The following MMUT variants were observed in gnomAD, a reference collection of about 807,000 sequenced individuals.
The protein encoded by MMUT is methylmalonyl-CoA mutase.
A neutral mutation model predicts 79.9 loss-of-function variants in MMUT; 79 were observed. The ratio of observed to expected loss-of-function variants is 0.99; its 90% CI spans 0.82 to 1.19. MMUT has a LOEUF of 1.19. Ranked by LOEUF, MMUT falls within the 50% of genes most tolerant of loss-of-function variation. The pLI, the probability that MMUT is intolerant of heterozygous loss-of-function variation, is 0.00. For missense variants in MMUT, 860 were observed against 917.2 expected (o/e 0.94, Z 0.81); for synonymous variants, 273 against 295.7 (o/e 0.92, Z 0.79).
rs778402274 is a variant in MMUT, at chr6:49,431,784, CGG to C, written c.2195_2196del (p.Ala732GlyfsTer5). On this transcript the variant is annotated frameshift_variant, in exon 13 of 13. Transcript: ENST00000274813. LOFTEE classifies it high-confidence loss of function. ...FGPGTRIPKA[A>X]VQVLDDIEKC... ...TTCTCAATATCATCAAGCACCTGAA[CGG>C]CAGCCTTTGGAATTCGAGTCCCAGG... 8 of 1,613,804 alleles carry C rather than the reference CGG, an allele frequency of 5.0e-6. No homozygotes were observed. The highest frequency in any genetic ancestry group is 5.9e-6 in the Non-Finnish European group (7 of 1,179,886).
chr6:49,451,339 A>G (rs573454630), intron 6 of MMUT, 127 bp downstream of exon 6: 4 of 1,117,918 alleles, frequency 3.6e-6, no homozygotes. Flanking sequence ...AAATTATTAT[A>G]TAAATCTGTA....
intron 4 of MMUT, among the ~76,000 whole-genome samples, chr6:49,455,623 A>G (rs976110337): frequency 6.6e-6 from 1 of 152,236 alleles, no homozygotes; most frequent in African/African-American, 2.4e-5. Context: ...CATAAACTAC[A>G]TTTAAGTTTT....
Position 49,459,198 on chromosome 6 carries a change from G to A in MMUT, c.269C>T (p.Pro90Leu). The A allele has an allele frequency of 6.2e-7, 1 of 1,614,154 alleles. No homozygotes were observed. The highest frequency in any genetic ancestry group is 8.5e-7 in the Non-Finnish European group (1 of 1,180,040). ...DLPEELPGVK[P>L]FTRGPYPTMY... is the part of the protein sequence containing the mutation. Reference sequence around the variant, plus strand: ...GGTAGGATATGGTCCACGTGTGAATGGCTTCACTCCTGGAAGTTCTTCAGG... The same window carrying A: ...GGTAGGATATGGTCCACGTGTGAATAGCTTCACTCCTGGAAGTTCTTCAGG... Residue 90 changes from proline to leucine, a missense_variant, in exon 2 of 13, where the codon CCA (proline) becomes CTA (leucine). Physicochemically the swap from Pro to Leu is moderately conservative, Grantham distance 98 (BLOSUM62 -3). Transcript: ENST00000274813.
chr6:49,441,840 C>G lies in MMUT; in HGVS notation c.1808G>C (p.Arg603Thr), dbSNP rs1412463565. The change falls in exon 10 of 13, where the codon AGG (arginine) becomes ACG (threonine). Residue 603 changes from arginine to threonine, a missense_variant and splice_region_variant. Coordinates refer to ENST00000274813, the MANE Select transcript of MMUT (RefSeq NM_000255.4). ...ESKEITSAIK[R>T]VHKFMEREGR... The stretch of plus-strand genomic sequence containing the variant: ...TGGCCTAAGAAACCTTACATATTAC[C>G]TCTTGATAGCAGATGTTATCTCTTT... The G allele has an allele frequency of 6.2e-7, 1 of 1,610,016 alleles. No homozygotes were observed. Among genetic ancestry groups the G allele is most frequent in the Non-Finnish European group, 8.5e-7 (1 of 1,177,512 alleles).
chr6:49,454,787 T>C (rs1425382791), intron 4 of MMUT, among the ~76,000 whole-genome samples: 5 of 152,238 alleles, frequency 3.3e-5, no homozygotes, highest in African/African-American at 1.2e-4. Flanking sequence ...GGCTACTGCC[T>C]AGAATCTCAG....
intron 6 of MMUT, 127 bp downstream of exon 6, chr6:49,451,339 A>T (rs573454630): frequency 8.9e-7 from 1 of 1,118,034 alleles, no homozygotes; most frequent in Non-Finnish European, 1.2e-6. Context: ...AAATTATTAT[A>T]TAAATCTGTA....
At chr6:49,449,203 T>C (rs941977133) in intron 6 of MMUT, among the ~76,000 whole-genome samples, 2 of 152,130 alleles carry the variant, frequency 1.3e-5, no homozygotes, top group African/African-American at 2.4e-5. Context: ...TTCTCTAATC[T>C]TTATTTTTAG....
intron 5 of MMUT, 79 bp downstream of exon 5, chr6:49,453,506 C>T: frequency 1.5e-6 from 1 of 660,558 alleles, no homozygotes; most frequent in South Asian, 3.9e-5. Flanking sequence ...AATTCTATTT[C>T]CTGCTTGTGC....
chr6:49,455,683 T>C (rs984135611), intron 4 of MMUT, among the ~76,000 whole-genome samples: 5 of 152,160 alleles, frequency 3.3e-5, no homozygotes, highest in African/African-American at 1.2e-4. Flanking sequence ...AAACAAATGT[T>C]TCAACAGCAC....
At chr6:49,437,086 A>T (rs1252168077) in intron 11 of MMUT, among the ~76,000 whole-genome samples, 2 of 152,082 alleles carry the variant, frequency 1.3e-5, no homozygotes, top group Admixed American at 6.6e-5. Flanking sequence ...AAAAAATAAT[A>T]TTTTTTTGAA....
rs761477436 is a variant in MMUT at position 49,456,141 on chromosome 6, C to A, written c.850G>T (p.Gly284Ter). The change falls in exon 4 of 13, where the codon GGA (glycine) becomes TGA (stop). Residue 284 changes from glycine to a stop codon, truncating the protein, a stop_gained. Coordinates refer to ENST00000274813, the MANE Select transcript of MMUT (RefSeq NM_000255.4). LOFTEE classifies it high-confidence loss of function. ...AGTCCAGTTCTAGAGTACTCCAATC[C>A]ATCTGCTAAAGTATAGGCCAGCTCC... is the stretch of plus-strand genomic sequence containing the variant. ...ILELAYTLAD[G>*]LEYSRTGLQA... 5.0e-6 allele frequency: 8 copies of A among 1,612,994 alleles called. No individual in the cohort carries two copies. The African/African-American group carries it at 1.1e-4, about 22-fold the overall frequency.
chr6:49,441,353 A>C (rs1414601602), intron 10 of MMUT, among the ~76,000 whole-genome samples: 1 of 152,078 alleles, frequency 6.6e-6, no homozygotes, highest in East Asian at 1.9e-4. Context: ...TAATTATTCA[A>C]GCAATGAAAA....
intron 12 of MMUT, among the ~76,000 whole-genome samples, 166 bp from the exon 13 acceptor site, chr6:49,432,022 T>C (rs1410210370): frequency 1.3e-5 from 2 of 152,192 alleles, no homozygotes; most frequent in African/African-American, 4.8e-5. Flanking sequence ...GTGCTACTAA[T>C]AGTCATCAGC....
At chr6:49,440,469 T>TG in intron 10 of MMUT, 116 bp from the exon 11 acceptor site, 1 of 1,127,768 alleles carries the variant, frequency 8.9e-7, no homozygotes. Flanking sequence ...ACCTAATTTG[T>TG]TTACTTGTAT....
At chr6:49,461,560 G>C (rs1767843085) in intron 1 of MMUT, among the ~76,000 whole-genome samples, 1 of 152,102 alleles carries the variant, frequency 6.6e-6, no homozygotes, top group Admixed American at 6.5e-5. Flanking sequence ...CCTGAGGTCA[G>C]GGGTTCAAGA....
chr6:49,455,089 C>A (rs1190700444), intron 4 of MMUT, among the ~76,000 whole-genome samples: 1 of 151,836 alleles, frequency 6.6e-6, no homozygotes, highest in East Asian at 1.9e-4. Flanking sequence ...AACATGTTAA[C>A]ATTAGTAACA....
chr6:49,438,440 C>T (rs1486262912), intron 11 of MMUT, among the ~76,000 whole-genome samples: 2 of 152,288 alleles, frequency 1.3e-5, no homozygotes, highest in Non-Finnish European at 2.9e-5. Context: ...CCCATGTGGG[C>T]TATCTTTCCC....
intron 11 of MMUT, 120 bp from the exon 12 acceptor site, chr6:49,435,743 T>C: frequency 9.3e-7 from 1 of 1,075,444 alleles, no homozygotes; most frequent in South Asian, 1.6e-5. Context: ...GACTTCATGA[T>C]GAAGATGCCA....
chr6:49,434,147 CTA>C (rs568023013), intron 12 of MMUT, among the ~76,000 whole-genome samples: 1 of 152,148 alleles, frequency 6.6e-6, no homozygotes, highest in African/African-American at 2.4e-5. Flanking sequence ...ATCACAGACT[CTA>C]AAACTGCAAC....
Sources: allele counts gnomAD v4.1 joint callset (sites outside exome capture counted in the v4.1 genomes callset), GRCh38; gene constraint gnomAD v4.1.1; transcripts MANE v1.5; gene names NCBI Gene and HGNC (gene_info 2026-07-23, HGNC 2026-07-21).